Variants in ZNF827 observed in about 807,000 individuals in gnomAD.
The protein encoded by ZNF827 is zinc finger protein 827.
A neutral mutation model predicts 102.4 loss-of-function variants in ZNF827; 13 were observed. That is an observed-to-expected ratio of 0.13 (90% CI 0.08 to 0.20). The LOEUF is 0.20. Ranked by LOEUF, ZNF827 falls within the 10% of genes least tolerant of loss-of-function variation. The pLI is 1.00. For missense variants in ZNF827, 1,103 were observed against 1,344.4 expected, an observed-to-expected ratio of 0.82 and a Z score of 2.81; for synonymous variants, 523 against 536.2, an observed-to-expected ratio of 0.98 and a Z score of 0.34.
intron 8 of ZNF827, among the ~76,000 whole-genome samples, chr4:145,802,790 A>G (rs1285885682): frequency 3.3e-5 from 5 of 152,154 alleles, no homozygotes; most frequent in Non-Finnish European, 5.9e-5. Context: ...AAAAAATTAA[A>G]AAGTTAGCTA....
chr4:145,790,257 G>A (rs1739481434), intron 8 of ZNF827, among the ~76,000 whole-genome samples: 2 of 152,054 alleles, frequency 1.3e-5, no homozygotes, highest in South Asian at 4.1e-4. Flanking sequence ...GCAGATATAA[G>A]AATTTCCTCT....
chr4:145,788,923 T>C (rs2127040579), intron 8 of ZNF827, among the ~76,000 whole-genome samples: 1 of 152,364 alleles, frequency 6.6e-6, no homozygotes, highest in Non-Finnish European at 1.5e-5. Flanking sequence ...AACAGAACTA[T>C]GTGGGTTTTT....
chr4:145,793,283 A>ATATATATATCTCTTATATATACT (rs1308132442), intron 8 of ZNF827, among the ~76,000 whole-genome samples: 2 of 134,980 alleles, frequency 1.5e-5, no homozygotes, highest in African/African-American at 5.5e-5. Flanking sequence ...TATATATAAT[A>ATATATATATCTCTTATATATACT]TATATATGAT....
intron 8 of ZNF827, among the ~76,000 whole-genome samples, chr4:145,781,195 C>CAAAAAAAAAAAAAAAAAAAAGAA (rs1737946510): frequency 1.8e-5 from 1 of 56,546 alleles, no homozygotes; most frequent in Non-Finnish European, 2.8e-5. Context: ...GACACCATCT[C>CAAAAAAAAAAAAAAAAAAAAGAA]AAAAAAAAAA....
chr4:145,926,579 GT>G (rs913725778), intron 1 of ZNF827, among the ~76,000 whole-genome samples: 1 of 152,162 alleles, frequency 6.6e-6, no homozygotes, highest in African/African-American at 2.4e-5. Flanking sequence ...TAAAGGCCAA[GT>G]TTTAAATATT....
intron 8 of ZNF827, among the ~76,000 whole-genome samples, chr4:145,813,574 T>C (rs1180896634): frequency 6.6e-6 from 1 of 152,144 alleles, no homozygotes; most frequent in Admixed American, 6.5e-5. Context: ...TAGAGACCAA[T>C]TCTATTTATA....
intron 8 of ZNF827, among the ~76,000 whole-genome samples, chr4:145,796,623 C>T (rs201150487): frequency 3.5e-5 from 4 of 113,948 alleles, no homozygotes; most frequent in South Asian, 2.5e-4. Context: ...ATTTGTTCCT[C>T]TTTTTTTTTT....
chr4:145,878,488 A>T (rs1231074622), intron 4 of ZNF827, among the ~76,000 whole-genome samples: 1 of 151,846 alleles, frequency 6.6e-6, no homozygotes, highest in African/African-American at 2.4e-5. Flanking sequence ...TGGGAGGATC[A>T]CCTGAGGTCA....
intron 1 of ZNF827, among the ~76,000 whole-genome samples, chr4:145,923,642 C>T (rs549478827): frequency 6.6e-6 from 1 of 151,888 alleles, no homozygotes; most frequent in African/African-American, 2.4e-5. Flanking sequence ...AGGAGACTCT[C>T]GTTGTCTTCT....
At chr4:145,764,807 C>T in intron 13 of ZNF827, 181 bp downstream of exon 13, 1 of 760,266 alleles carries the variant, frequency 1.3e-6, no homozygotes, top group Non-Finnish European at 2.2e-6. Context: ...CTGTTGACAC[C>T]CTAGGGGGAC....
chr4:145,885,635 AGAGAG>A, intron 4 of ZNF827, 38 bp downstream of exon 4: 8 of 1,505,102 alleles, frequency 5.3e-6, no homozygotes, highest in South Asian at 2.8e-5. Context: ...AGAGAGAGAG[AGAGAG>A]AGAGAGAGAG....
intron 4 of ZNF827, among the ~76,000 whole-genome samples, chr4:145,873,073 C>T (rs1197980261): frequency 1.3e-5 from 2 of 150,630 alleles, no homozygotes; most frequent in Non-Finnish European, 3.0e-5. Context: ...GTAGCTAGGA[C>T]TACAGGCGCC....
chr4:145,834,285 T>A (rs1744581862), intron 7 of ZNF827, among the ~76,000 whole-genome samples: 1 of 152,148 alleles, frequency 6.6e-6, no homozygotes, highest in African/African-American at 2.4e-5. Flanking sequence ...CTAGTCTCTG[T>A]GCCCAGTGCA....
chr4:145,804,107 T>C (rs929791599), intron 8 of ZNF827, among the ~76,000 whole-genome samples: 1 of 152,226 alleles, frequency 6.6e-6, no homozygotes, highest in African/African-American at 2.4e-5. Context: ...AGTTTATTCT[T>C]ACATGCCAAA....
Position 145,774,499 on chromosome 4 carries a change from T to C in ZNF827, c.2860+7A>G. 3.7e-6 allele frequency: 6 copies of C among 1,607,778 alleles called. No homozygotes were observed. The highest frequency in any genetic ancestry group is 5.1e-6 in the Non-Finnish European group (6 of 1,176,788). ...GGAGTGTGAGAAGGACAGACAGGAA[T>C]GGTCACCTGTGTGCTTGGTGCCAAT... On this transcript the variant is annotated splice_region_variant and intron_variant, in intron 11 of 14. Transcript: ENST00000508784.
At chr4:145,818,021 T>C (rs1365004462) in intron 8 of ZNF827, among the ~76,000 whole-genome samples, 2 of 152,214 alleles carry the variant, frequency 1.3e-5, no homozygotes, top group Non-Finnish European at 2.9e-5. Context: ...AGAGGAAAGA[T>C]AGAAATAGAA....
At chr4:145,770,299 AAAATAAAT>A (rs150231954) in intron 11 of ZNF827, among the ~76,000 whole-genome samples, 4,758 of 87,220 alleles carry the variant, frequency 0.055, 201 homozygotes, top group African/African-American at 0.13. Flanking sequence ...ACCCTGTCTT[AAAATAAAT>A]AAATAAATAA....
At chr4:145,819,100 C>T (rs1032361516) in intron 8 of ZNF827, among the ~76,000 whole-genome samples, 9 of 150,504 alleles carry the variant, frequency 6.0e-5, no homozygotes, top group South Asian at 2.1e-4. Context: ...AAACCAACAA[C>T]GTGAGTTTTT....
intron 5 of ZNF827, among the ~76,000 whole-genome samples, chr4:145,855,122 C>A (rs966644266): frequency 1.3e-5 from 2 of 152,160 alleles, no homozygotes; most frequent in African/African-American, 4.8e-5. Flanking sequence ...CAGATTACAA[C>A]AAAATATGAA....
Sources: gnomAD v4.1 joint callset for allele counts (sites outside exome capture counted in the v4.1 genomes callset) on GRCh38, gnomAD v4.1.1 for gene constraint, MANE v1.5 for transcripts, NCBI Gene and HGNC (gene_info 2026-07-23, HGNC 2026-07-21) for gene names.